The following FAM124A variants were observed in gnomAD, a reference collection of about 807,000 sequenced individuals.
The protein encoded by FAM124A is family with sequence similarity 124 member A, also known as protein FAM124A.
A neutral mutation model predicts 24.5 loss-of-function variants in FAM124A; 23 were observed. That is an observed-to-expected ratio of 0.94 (90% CI 0.68 to 1.33). The LOEUF (loss-of-function observed/expected upper bound fraction) is 1.33, where lower values mean the gene tolerates loss of function less well. Ranked by LOEUF, FAM124A falls within the 40% of genes most tolerant of loss-of-function variation. FAM124A has a pLI of 0.00. For synonymous variants in FAM124A, 287 were observed against 314.7 expected (o/e 0.91, Z 0.93); for missense variants, 623 against 722.8 (o/e 0.86, Z 1.58).
intron 3 of FAM124A, among the ~76,000 whole-genome samples, chr13:51,278,555 G>A (rs1210428868): frequency 6.6e-6 from 1 of 152,190 alleles, no homozygotes; most frequent in Non-Finnish European, 1.5e-5. Context: ...GGCTCCTCAA[G>A]CACCTGCCTC....
Position 51,252,125 on chromosome 13 carries a change from T to A in FAM124A, c.758T>A (p.Leu253Gln). 1 of 1,614,044 alleles carries A rather than the reference T, an allele frequency of 6.2e-7. No individual in the cohort carries two copies. The highest frequency in any genetic ancestry group is 8.5e-7 in the Non-Finnish European group (1 of 1,180,044). The change falls in exon 3 of 4, where the codon CTG (leucine) becomes CAG (glutamine). Residue 253 changes from leucine to glutamine, a missense_variant. Coordinates refer to ENST00000322475, the MANE Select transcript of FAM124A (RefSeq NM_001242312.2). ...VRDIGELVPLLPNPCSPISEG... is the reference protein window; with the variant it reads ...VRDIGELVPLQPNPCSPISEG... ...GACATAGGCGAGCTCGTGCCTCTCC[T>A]GCCCAACCCTTGCAGCCCCATCAGC...
chr13:51,240,444 A>G (rs1954478892), intron 2 of FAM124A, among the ~76,000 whole-genome samples: 1 of 152,228 alleles, frequency 6.6e-6, no homozygotes, highest in Admixed American at 6.5e-5. Context: ...TTTTCGTAAC[A>G]ACAGTAGTTG....
At chr13:51,236,857 TTC>T (rs1295413948) in intron 2 of FAM124A, among the ~76,000 whole-genome samples, 25 of 152,344 alleles carry the variant, frequency 1.6e-4, no homozygotes, top group African/African-American at 5.5e-4. Context: ...TCATTTTTTC[TTC>T]TGTGTAAAAT....
At chr13:51,244,352 G>C (rs1470501507) in intron 2 of FAM124A, among the ~76,000 whole-genome samples, 2 of 152,222 alleles carry the variant, frequency 1.3e-5, no homozygotes, top group Non-Finnish European at 2.9e-5. Context: ...TCTGAAGGCA[G>C]AGACTGTTTT....
At chr13:51,264,135 G>A (rs1050003246) in intron 3 of FAM124A, among the ~76,000 whole-genome samples, 2 of 152,218 alleles carry the variant, frequency 1.3e-5, no homozygotes, top group African/African-American at 4.8e-5. Context: ...TAGGCCAGTG[G>A]TGCTGTCTTG....
At position 51,251,709 on chromosome 13, in the gene FAM124A, G is replaced by A. The variant is rs1241874530; in HGVS notation, c.342G>A (p.Glu114=). The A allele has an allele frequency of 5.7e-6, 9 of 1,586,584 alleles. No homozygotes were observed. Among genetic ancestry groups the A allele is most frequent in the Non-Finnish European group, 7.7e-6 (9 of 1,168,082 alleles). ...TCCTGCAGGAGGAGTACGGCGAAGA[G>A]CAGATCCTGCAGCTGCACCGCACAC... ...VLFLQEEYGE[E]QILQLHRTLQ... is the part of the protein sequence containing the mutation. Residue 114 remains glutamate, a synonymous_variant, in exon 3 of 4, where the codon GAG becomes GAA. Transcript: ENST00000322475. The surrounding 1 kb of genome is among the most constrained non-coding windows in gnomAD (Gnocchi z 5.3).
At chr13:51,277,748 C>T (rs967804347) in intron 3 of FAM124A, among the ~76,000 whole-genome samples, 2 of 152,120 alleles carry the variant, frequency 1.3e-5, no homozygotes, top group Admixed American at 6.5e-5. Context: ...GGGCTGAGAT[C>T]GCGCCACTGC....
intron 3 of FAM124A, among the ~76,000 whole-genome samples, chr13:51,274,739 G>A (rs928839618): frequency 3.9e-5 from 6 of 152,002 alleles, no homozygotes; most frequent in African/African-American, 7.2e-5. Context: ...ATGTATTTTT[G>A]TATTTATTCA....
In FAM124A at chr13:51,280,739, C is replaced by T. The variant is rs1303114454; in HGVS notation, c.1124C>T (p.Ser375Phe). The T allele has an allele frequency of 1.9e-6, 3 of 1,614,214 alleles. No individual in the cohort carries two copies. In the South Asian group the frequency reaches 3.3e-5, roughly 18 times the overall value. Reference sequence around the variant, plus strand: ...CCCACGGGAGGCCCCTCCCTGGCCTCCTCAGCTGAACCACAGTGGTTTTCA... The same window carrying T: ...CCCACGGGAGGCCCCTCCCTGGCCTTCTCAGCTGAACCACAGTGGTTTTCA... ...CLPTGGPSLA[S>F]SAEPQWFSNT... The change falls in exon 4 of 4, where the codon TCC becomes TTC. Residue 375 changes from serine to phenylalanine, a missense_variant. Coordinates refer to ENST00000322475, the MANE Select transcript of FAM124A (RefSeq NM_001242312.2).
intron 2 of FAM124A, among the ~76,000 whole-genome samples, chr13:51,232,053 AG>A (rs953480874): frequency 6.6e-6 from 1 of 152,240 alleles, no homozygotes; most frequent in African/African-American, 2.4e-5. Context: ...TGTGGCTAAA[AG>A]AATACAGACA....
chr13:51,250,240 C>T (rs547346831), intron 2 of FAM124A, among the ~76,000 whole-genome samples: 2 of 152,268 alleles, frequency 1.3e-5, no homozygotes, highest in South Asian at 4.1e-4. Context: ...GAAAAGCACA[C>T]CACATTGATA....
chr13:51,227,228 TAA>T (rs1954324488), intron 1 of FAM124A: 1 of 152,222 alleles, frequency 6.6e-6, no homozygotes, highest in Non-Finnish European at 1.5e-5. Context: ...CTCACTATTC[TAA>T]TAATTATATT....
intron 3 of FAM124A, among the ~76,000 whole-genome samples, chr13:51,260,306 G>A (rs1732920856): frequency 6.6e-6 from 1 of 152,074 alleles, no homozygotes. Flanking sequence ...AGAGAGCCCC[G>A]CTTCTCCCAG....
intron 2 of FAM124A, among the ~76,000 whole-genome samples, chr13:51,249,415 T>G (rs556348339): frequency 9.8e-5 from 15 of 152,354 alleles, no homozygotes; most frequent in African/African-American, 3.4e-4. Flanking sequence ...AAGCTGAAAC[T>G]TGACTCCGCT....
intron 2 of FAM124A, among the ~76,000 whole-genome samples, chr13:51,238,513 A>G (rs976531526): frequency 6.6e-6 from 1 of 152,248 alleles, no homozygotes; most frequent in African/African-American, 2.4e-5. Flanking sequence ...AACATTTTTC[A>G]CTTGATATTT....
At chr13:51,244,923 G>C (rs1317667783) in intron 2 of FAM124A, among the ~76,000 whole-genome samples, 1 of 152,182 alleles carries the variant, frequency 6.6e-6, no homozygotes, top group Admixed American at 6.5e-5. Flanking sequence ...AGCCAATTTG[G>C]GGCAGAAAAA....
rs185681532 is a variant in FAM124A at position 51,223,979 on chromosome 13, T to C, written c.68+1410T>C. ...ATTTGCAGAACTCACCTAAAACTGA[T>C]ATTTTTTTCAAGGGCTCTGTCTTAG... On this transcript the variant is annotated intron_variant, in intron 1 of 3. Coordinates refer to ENST00000322475, the MANE Select transcript of FAM124A (RefSeq NM_001242312.2). Among the ~76,000 whole-genome samples the C allele has an allele frequency of 4.9e-4, 74 of 152,338 alleles. 1 individual carries two copies. In the East Asian group the frequency reaches 8.1e-3, roughly 17 times the overall value.
Position 51,261,014 on chromosome 13 carries a change from TAAC to T in FAM124A, c.834+8815_834+8817del. Among the ~76,000 whole-genome samples the T allele has an allele frequency of 2.6e-5, 4 of 152,358 alleles. No homozygotes were observed. The Middle Eastern group carries it at 0.014, about 518-fold the overall frequency. ...TTAAAATATTTGTAGTTTAAATTAA[TAAC>T]AGGCTCAGTAAGACCATCAAAAATA... On this transcript the variant is annotated intron_variant, in intron 3 of 3. Transcript: ENST00000322475.
At chr13:51,269,805 T>C (rs546893106) in intron 3 of FAM124A, among the ~76,000 whole-genome samples, 1 of 152,332 alleles carries the variant, frequency 6.6e-6, no homozygotes, top group South Asian at 2.1e-4. Context: ...TTTTTAAAAG[T>C]ATTTTTTGGA....
Sources: allele counts gnomAD v4.1 joint callset (sites outside exome capture counted in the v4.1 genomes callset), GRCh38; gene constraint gnomAD v4.1.1; non-coding constraint Gnocchi (gnomAD v3.1); transcripts MANE v1.5; gene names NCBI Gene and HGNC (gene_info 2026-07-23, HGNC 2026-07-21).